FBXL7: variants seen among roughly 807,000 people sequenced by gnomAD.
FBXL7 encodes F-box/LRR-repeat protein 7.
A neutral mutation model predicts 38.3 loss-of-function variants in FBXL7; 12 were observed. The ratio of observed to expected loss-of-function variants is 0.31; its 90% CI spans 0.20 to 0.51. The LOEUF (loss-of-function observed/expected upper bound fraction) is 0.51. Ranked by LOEUF, FBXL7 falls within the 20% of genes least tolerant of loss-of-function variation. The pLI is 0.98. For synonymous variants in FBXL7, 297 were observed against 300.9 expected (o/e 0.99, Z 0.13); for missense variants, 567 against 676.4 (o/e 0.84, Z 1.79).
At chr5:15,814,351 C>T (rs1737953481) in intron 2 of FBXL7, among the ~76,000 whole-genome samples, 1 of 152,148 alleles carries the variant, frequency 6.6e-6, no homozygotes, top group African/African-American at 2.4e-5. Context: ...ACTGCATGTT[C>T]TCACTCTTAA....
chr5:15,579,709 G>A (rs1336377802), intron 1 of FBXL7, among the ~76,000 whole-genome samples: 1 of 152,132 alleles, frequency 6.6e-6, no homozygotes, highest in Non-Finnish European at 1.5e-5. Flanking sequence ...TCTTGGTGGA[G>A]TGGATCTGGG....
intron 1 of FBXL7, among the ~76,000 whole-genome samples, chr5:15,517,474 G>T (rs966273737): frequency 6.6e-6 from 1 of 152,154 alleles, no homozygotes; most frequent in African/African-American, 2.4e-5. Flanking sequence ...AGCTTGCCAG[G>T]TGTGGCTGGG....
At chr5:15,789,033 A>G (rs1737205733) in intron 2 of FBXL7, among the ~76,000 whole-genome samples, 1 of 151,594 alleles carries the variant, frequency 6.6e-6, no homozygotes, top group Non-Finnish European at 1.5e-5. Context: ...TGTATTTTTA[A>G]TAGAGGCGGG....
At chr5:15,547,600 TAG>T (rs1561023237) in intron 1 of FBXL7, among the ~76,000 whole-genome samples, 1 of 152,130 alleles carries the variant, frequency 6.6e-6, no homozygotes, top group African/African-American at 2.4e-5. Context: ...CTGGGCTGAA[TAG>T]AGTCTCATCT....
rs549412610 is a variant in FBXL7, at chr5:15,740,348, C to A, written c.127+124276C>A. Reference sequence around the variant, plus strand: ...CAAGTTATGGATGGTGGGGTCTGCCCTTTCACTTTGACATACCTGGCCTAG... The same window carrying A: ...CAAGTTATGGATGGTGGGGTCTGCCATTTCACTTTGACATACCTGGCCTAG... On this transcript the variant is annotated intron_variant, in intron 2 of 3. Transcript: ENST00000504595. 2.6e-5 allele frequency among the ~76,000 whole-genome samples: 4 copies of A among 152,250 alleles called. No homozygotes were observed. In the East Asian group the frequency reaches 7.7e-4, roughly 29 times the overall value.
chr5:15,791,724 A>G (rs967476563), intron 2 of FBXL7, among the ~76,000 whole-genome samples: 1 of 152,088 alleles, frequency 6.6e-6, no homozygotes, highest in Non-Finnish European at 1.5e-5. Flanking sequence ...TGGCAGAGGA[A>G]TGGCTGACTT....
chr5:15,691,737 G>A (rs369800511), intron 2 of FBXL7, among the ~76,000 whole-genome samples: 1 of 152,154 alleles, frequency 6.6e-6, no homozygotes, highest in East Asian at 1.9e-4. Flanking sequence ...GACAGATGTT[G>A]GCCTGGCCTA....
At chr5:15,922,010 G>A (rs566982313) in intron 2 of FBXL7, among the ~76,000 whole-genome samples, 110 of 152,138 alleles carry the variant, frequency 7.2e-4, no homozygotes, top group Non-Finnish European at 9.7e-4. Flanking sequence ...TCACCAGCTC[G>A]TAAATATATG....
At chr5:15,818,182 G>C (rs1738072295) in intron 2 of FBXL7, among the ~76,000 whole-genome samples, 1 of 152,044 alleles carries the variant, frequency 6.6e-6, no homozygotes, top group Non-Finnish European at 1.5e-5. Context: ...TAAAATCTGA[G>C]AAAACACTTT....
rs550052651 is a variant in FBXL7 at position 15,567,902 on chromosome 5, C to T, written c.38-48081C>T. The stretch of plus-strand genomic sequence containing the variant: ...GGGAATGATGGTTTCCAGCTTCATC[C>T]ATGTCCCTACAAAAGACATATACTC... On this transcript the variant is annotated intron_variant, in intron 1 of 3. Transcript: ENST00000504595. Among the ~76,000 whole-genome samples, 4 of 152,218 alleles carry T rather than the reference C, an allele frequency of 2.6e-5. No individual in the cohort carries two copies. The South Asian group carries it at 8.3e-4, about 32-fold the overall frequency.
At chr5:15,690,388 A>AT (rs139119792) in intron 2 of FBXL7, among the ~76,000 whole-genome samples, 6 of 152,146 alleles carry the variant, frequency 3.9e-5, no homozygotes, top group Admixed American at 2.6e-4. Flanking sequence ...CTGACGAAAT[A>AT]TTTTTTTTAA....
At chr5:15,868,430 C>T (rs545136350) in intron 2 of FBXL7, among the ~76,000 whole-genome samples, 8 of 152,330 alleles carry the variant, frequency 5.3e-5, no homozygotes, top group Admixed American at 4.6e-4. Flanking sequence ...TAATTCATTA[C>T]AGCAGCAAAA....
intron 2 of FBXL7, among the ~76,000 whole-genome samples, chr5:15,823,743 AT>A (rs1438454021): frequency 2.0e-5 from 3 of 152,046 alleles, no homozygotes; most frequent in Non-Finnish European, 1.5e-5. Flanking sequence ...ACGTGAGACC[AT>A]CTCAAATGTA....
chr5:15,732,574 T>G (rs775718735), intron 2 of FBXL7, among the ~76,000 whole-genome samples: 5 of 152,222 alleles, frequency 3.3e-5, no homozygotes, highest in Non-Finnish European at 4.4e-5. Context: ...TGCAGATGCA[T>G]GTGTGATACC....
chr5:15,657,842 T>TAA (rs70938025), intron 2 of FBXL7, among the ~76,000 whole-genome samples: 22,911 of 146,718 alleles, frequency 0.16, 2,045 homozygotes, highest in East Asian at 0.44. Context: ...TTGTCTAAAT[T>TAA]AAAAAAAAAA....
chr5:15,572,421 G>A (rs903352096), intron 1 of FBXL7, among the ~76,000 whole-genome samples: 1 of 151,730 alleles, frequency 6.6e-6, no homozygotes, highest in Non-Finnish European at 1.5e-5. Flanking sequence ...TCTTGTTCAG[G>A]GTTCTTGTCA....
intron 2 of FBXL7, among the ~76,000 whole-genome samples, chr5:15,924,470 A>G (rs1169935337): frequency 1.2e-5 from 1 of 82,060 alleles, no homozygotes; most frequent in African/African-American, 4.5e-5. Context: ...AATACTGTGT[A>G]AAAAATCACC....
intron 2 of FBXL7, among the ~76,000 whole-genome samples, chr5:15,661,463 T>C (rs1742067430): frequency 6.6e-6 from 1 of 152,228 alleles, no homozygotes; most frequent in African/African-American, 2.4e-5. Context: ...CATACATCCT[T>C]TCCTTGTTCC....
chr5:15,808,636 A>G (rs987787794), intron 2 of FBXL7, among the ~76,000 whole-genome samples: 6 of 152,208 alleles, frequency 3.9e-5, no homozygotes, highest in African/African-American at 1.2e-4. Flanking sequence ...TTCATAAAGT[A>G]TAAAGAGATT....
Sources: allele counts gnomAD v4.1 joint callset (sites outside exome capture counted in the v4.1 genomes callset), GRCh38; gene constraint gnomAD v4.1.1; transcripts MANE v1.5; gene names NCBI Gene and HGNC (gene_info 2026-07-23, HGNC 2026-07-21).